PTPRD: variants seen among roughly 807,000 people sequenced by gnomAD.
The protein encoded by PTPRD is protein tyrosine phosphatase receptor type D.
Under a neutral mutation model 214.5 loss-of-function variants are expected in PTPRD, and 34 were observed. That is an observed-to-expected ratio of 0.16 (90% CI 0.12 to 0.21). The LOEUF (loss-of-function observed/expected upper bound fraction) is 0.21. PTPRD is among the 10% of genes least tolerant of loss of function. The probability of loss-of-function intolerance (pLI) is 1.00; values close to 1 mark genes in which losing one functional copy is unlikely to be tolerated. For missense variants in PTPRD, 2,545 were observed against 2,398.7 expected, an observed-to-expected ratio of 1.06 and a Z score of -1.27; for synonymous variants, 1,128 against 845.7, an observed-to-expected ratio of 1.33 and a Z score of -5.79.
At chr9:10,529,638 A>C (rs920986755) in intron 2 of PTPRD, among the ~76,000 whole-genome samples, 1 of 151,852 alleles carries the variant, frequency 6.6e-6, no homozygotes, top group Non-Finnish European at 1.5e-5. Context: ...TGATGGGTGC[A>C]GCAAACCACC....
chr9:10,579,612 T>G (rs543339009), intron 2 of PTPRD, among the ~76,000 whole-genome samples: 1 of 152,298 alleles, frequency 6.6e-6, no homozygotes, highest in East Asian at 1.9e-4. Context: ...AACGTTTTAT[T>G]TTCTTTTGGA....
At chr9:9,041,778 C>T (rs779358008) in intron 10 of PTPRD, among the ~76,000 whole-genome samples, 4 of 152,162 alleles carry the variant, frequency 2.6e-5, no homozygotes, top group African/African-American at 4.8e-5. Context: ...ATCTTAGAAA[C>T]GTCCAGTGAC....
At chr9:8,430,432 G>C (rs1033039214) in intron 35 of PTPRD, among the ~76,000 whole-genome samples, 13 of 121,788 alleles carry the variant, frequency 1.1e-4, no homozygotes, top group African/African-American at 3.8e-4. Flanking sequence ...CACCACGACA[G>C]GCTAATTTTT....
chr9:10,063,027 A>G, intron 3 of PTPRD, among the ~76,000 whole-genome samples: 1 of 152,052 alleles, frequency 6.6e-6, no homozygotes, highest in Non-Finnish European at 1.5e-5. Context: ...GAACACCAAT[A>G]TATTGAATTT....
chr9:9,401,771 G>A (rs1470317649), intron 8 of PTPRD, among the ~76,000 whole-genome samples: 1 of 151,970 alleles, frequency 6.6e-6, no homozygotes, highest in Non-Finnish European at 1.5e-5. Context: ...TTACCTCTAT[G>A]CTGCTGTTCT....
intron 3 of PTPRD, among the ~76,000 whole-genome samples, chr9:10,187,214 A>G (rs544414823): frequency 1.2e-4 from 18 of 152,232 alleles, no homozygotes; most frequent in African/African-American, 3.4e-4. Context: ...CTCTTACAGC[A>G]TGCAACACAG....
intron 9 of PTPRD, among the ~76,000 whole-genome samples, chr9:9,216,520 C>G (rs1484233211): frequency 6.6e-6 from 1 of 152,130 alleles, no homozygotes; most frequent in African/African-American, 2.4e-5. Flanking sequence ...AAAGACTAAG[C>G]CTGATTAACT....
At chr9:9,670,232 G>T (rs1240326146) in intron 7 of PTPRD, among the ~76,000 whole-genome samples, 22 of 152,108 alleles carry the variant, frequency 1.4e-4, no homozygotes, top group Admixed American at 1.4e-3. Flanking sequence ...ATATGGTTTG[G>T]CTGTGTCCCC....
At position 9,753,240 on chromosome 9, in the gene PTPRD, T is replaced by C. The variant is rs139500193; in HGVS notation, c.-326+13570A>G. Among the ~76,000 whole-genome samples, 590 of 152,130 alleles carry C rather than the reference T, an allele frequency of 3.9e-3. 3 individuals are homozygous for C. The highest frequency in any genetic ancestry group is 0.014 in the African/African-American group (567 of 41,542). On this transcript the variant is annotated intron_variant, in intron 6 of 45. Coordinates refer to ENST00000381196, the MANE Select transcript of PTPRD (RefSeq NM_002839.4). ...ACAGAATCTATTCCAGAAAGAATCATTCAGTTTCATTTTGTAGCTTCATAG... is the reference window on the plus strand; with the variant it reads ...ACAGAATCTATTCCAGAAAGAATCACTCAGTTTCATTTTGTAGCTTCATAG...
intron 30 of PTPRD, among the ~76,000 whole-genome samples, chr9:8,480,137 G>A (rs2096849867): frequency 6.6e-6 from 1 of 152,108 alleles, no homozygotes; most frequent in Non-Finnish European, 1.5e-5. Flanking sequence ...AGTGTGTATA[G>A]AATATATATT....
At chr9:10,459,652 T>C (rs2098944069) in intron 2 of PTPRD, among the ~76,000 whole-genome samples, 1 of 152,082 alleles carries the variant, frequency 6.6e-6, no homozygotes, top group Admixed American at 6.6e-5. Flanking sequence ...TAACGACCCG[T>C]GATGAAGAGC....
chr9:9,203,467 C>G (rs920945), intron 9 of PTPRD, among the ~76,000 whole-genome samples: 17,698 of 152,122 alleles, frequency 0.12, 1,289 homozygotes, highest in Non-Finnish European at 0.16. Flanking sequence ...TCAATTCTCT[C>G]AAATTAGAAA....
At chr9:9,314,591 C>T (rs768562518) in intron 9 of PTPRD, among the ~76,000 whole-genome samples, 1 of 151,946 alleles carries the variant, frequency 6.6e-6, no homozygotes, top group African/African-American at 2.4e-5. Flanking sequence ...CCTGTTTTTC[C>T]CTCATGTCTC....
chr9:8,762,344 AT>A (rs2094463635), intron 11 of PTPRD, among the ~76,000 whole-genome samples: 1 of 152,194 alleles, frequency 6.6e-6, no homozygotes, highest in Non-Finnish European at 1.5e-5. Context: ...TTAGGACTAT[AT>A]CAATAAAACT....
At chr9:10,336,954 A>G (rs2096854869) in intron 3 of PTPRD, among the ~76,000 whole-genome samples, 2 of 151,686 alleles carry the variant, frequency 1.3e-5, no homozygotes, top group Non-Finnish European at 3.0e-5. Flanking sequence ...GAAATTCTGA[A>G]TGGAGAATAT....
chr9:9,663,242 C>A (rs1339437369), intron 7 of PTPRD, among the ~76,000 whole-genome samples: 1 of 151,172 alleles, frequency 6.6e-6, no homozygotes, highest in Non-Finnish European at 1.5e-5. Flanking sequence ...AAAGAAAATA[C>A]AACTTATTTT....
intron 30 of PTPRD, among the ~76,000 whole-genome samples, chr9:8,478,698 A>T (rs1370694645): frequency 6.6e-6 from 1 of 152,226 alleles, no homozygotes; most frequent in South Asian, 2.1e-4. Context: ...TCCTGATACC[A>T]GAACTTGCAG....
chr9:8,743,065 C>G (rs1231804588), intron 11 of PTPRD, among the ~76,000 whole-genome samples: 1 of 149,088 alleles, frequency 6.7e-6, no homozygotes, highest in East Asian at 2.0e-4. Context: ...GAAACCCTGT[C>G]CTAGAACAGC....
intron 9 of PTPRD, among the ~76,000 whole-genome samples, chr9:9,360,171 A>C (rs1569567712): frequency 6.6e-6 from 1 of 151,106 alleles, no homozygotes; most frequent in Non-Finnish European, 1.5e-5. Flanking sequence ...TAAAAATCTG[A>C]CAGTTGTTTG....
Sources: allele counts gnomAD v4.1 joint callset (sites outside exome capture counted in the v4.1 genomes callset), GRCh38; gene constraint gnomAD v4.1.1; transcripts MANE v1.5; gene names NCBI Gene and HGNC (gene_info 2026-07-23, HGNC 2026-07-21).